Variants in ADAMTS19 observed in about 807,000 individuals in gnomAD.
The protein encoded by ADAMTS19 is A disintegrin and metalloproteinase with thrombospondin motifs 19.
Under a neutral mutation model 153.3 loss-of-function variants are expected in ADAMTS19, and 93 were observed. The observed-to-expected ratio is 0.61, with a 90% CI of 0.51 to 0.72. The LOEUF is 0.72. Ranked by LOEUF, ADAMTS19 falls within the 30% of genes least tolerant of loss-of-function variation. ADAMTS19 has a pLI of 0.00. For missense variants in ADAMTS19, 1,482 were observed against 1,552.1 expected (o/e 0.95, Z 0.76); for synonymous variants, 600 against 556.6 (o/e 1.08, Z -1.10).
intron 6 of ADAMTS19, among the ~76,000 whole-genome samples, chr5:129,538,387 G>A (rs1156886594): frequency 6.6e-6 from 1 of 151,876 alleles, no homozygotes; most frequent in East Asian, 1.9e-4. Flanking sequence ...AAAATATATT[G>A]TGGCATTAAT....
At chr5:129,614,385 G>A (rs1371225968) in intron 8 of ADAMTS19, among the ~76,000 whole-genome samples, 3 of 152,064 alleles carry the variant, frequency 2.0e-5, no homozygotes, top group East Asian at 1.9e-4. Context: ...TTCAACATAC[G>A]AAAATCAATA....
At chr5:129,628,724 G>T (rs553321882) in intron 10 of ADAMTS19, among the ~76,000 whole-genome samples, 44 of 152,164 alleles carry the variant, frequency 2.9e-4, no homozygotes, top group Admixed American at 1.6e-3. Context: ...TAAGATTATA[G>T]TCCGTATTTT....
At chr5:129,723,654 G>T (rs1273968268) in intron 21 of ADAMTS19, among the ~76,000 whole-genome samples, 7 of 152,168 alleles carry the variant, frequency 4.6e-5, no homozygotes, top group African/African-American at 9.6e-5. Flanking sequence ...GGCAATAAAA[G>T]ATTTATTTCA....
rs547317196 is a variant in ADAMTS19, at chr5:129,513,389, G to A, written c.913+4147G>A. 5.3e-5 allele frequency among the ~76,000 whole-genome samples: 8 copies of A among 151,852 alleles called. No individual in the cohort carries two copies. The South Asian group carries it at 1.7e-3, about 32-fold the overall frequency. On this transcript the variant is annotated intron_variant, in intron 3 of 22. Transcript: ENST00000274487. ...GGTGTACCTATAGTCCTAGCTACTT[G>A]GGAGCCTGAGGTGGGAGGATCATCT...
chr5:129,530,090 A>G (rs373554981), intron 6 of ADAMTS19, among the ~76,000 whole-genome samples: 1 of 152,256 alleles, frequency 6.6e-6, no homozygotes, highest in East Asian at 1.9e-4. Context: ...CTGCCTCCTA[A>G]AACAGCTGTA....
rs72789084 is a variant in ADAMTS19, at chr5:129,505,649, G to A, written c.748-3428G>A. Among the ~76,000 whole-genome samples the A allele has an allele frequency of 2.5e-3, 383 of 152,058 alleles. 1 individual carries two copies. The highest frequency in any genetic ancestry group is 4.7e-3 in the Non-Finnish European group (319 of 67,934). On this transcript the variant is annotated intron_variant, in intron 2 of 22. Transcript: ENST00000274487. ...GAGAAAAAGAAATTTCAACCAGTAA[G>A]AAAAGAAATGACTGGTAGCTTATTT... is the stretch of plus-strand genomic sequence containing the variant.
chr5:129,510,490 T>G (rs1751403560), intron 3 of ADAMTS19, among the ~76,000 whole-genome samples: 1 of 151,786 alleles, frequency 6.6e-6, no homozygotes, highest in South Asian at 2.1e-4. Context: ...CATATCCCTC[T>G]TCTCTATTAC....
intron 6 of ADAMTS19, among the ~76,000 whole-genome samples, chr5:129,543,048 GTTTTT>G (rs745799730): frequency 7.1e-6 from 1 of 140,346 alleles, no homozygotes; most frequent in East Asian, 2.1e-4. Flanking sequence ...TTGTTGTTTT[GTTTTT>G]TTTTTTTTAA....
At chr5:129,526,122 G>T (rs551146840) in intron 3 of ADAMTS19, among the ~76,000 whole-genome samples, 162 bp from the exon 4 acceptor site, 65 of 152,088 alleles carry the variant, frequency 4.3e-4, no homozygotes, top group Admixed American at 2.0e-3. Flanking sequence ...AGTGGGAGAA[G>T]TTCAGTCTGT....
At chr5:129,720,175 T>TATATATATATATA (rs1184615168) in intron 21 of ADAMTS19, among the ~76,000 whole-genome samples, 55 of 116,492 alleles carry the variant, frequency 4.7e-4, no homozygotes, top group African/African-American at 2.8e-3. Flanking sequence ...TATATATTTA[T>TATATATATATATA]TTTTTTTTTT....
chr5:129,616,012 GA>G (rs1581149841), intron 8 of ADAMTS19, among the ~76,000 whole-genome samples: 1 of 152,010 alleles, frequency 6.6e-6, no homozygotes, highest in East Asian at 1.9e-4. Flanking sequence ...ACGTCAAAAG[GA>G]ATCTCTTTTT....
At chr5:129,512,145 G>A (rs1043941310) in intron 3 of ADAMTS19, among the ~76,000 whole-genome samples, 7 of 151,904 alleles carry the variant, frequency 4.6e-5, no homozygotes, top group African/African-American at 7.3e-5. Flanking sequence ...TAGTATAAAC[G>A]CATGAGTATG....
chr5:129,603,739 G>A (rs546455305), intron 8 of ADAMTS19, among the ~76,000 whole-genome samples: 42 of 152,286 alleles, frequency 2.8e-4, no homozygotes, highest in Admixed American at 4.6e-4. Context: ...TGAGGCCAAA[G>A]ACTTCTGCTC....
intron 2 of ADAMTS19, among the ~76,000 whole-genome samples, chr5:129,499,790 T>G (rs950937257): frequency 4.6e-5 from 7 of 152,168 alleles, no homozygotes; most frequent in African/African-American, 1.7e-4. Flanking sequence ...GAATCTGCTA[T>G]GGAATGCCCC....
chr5:129,633,978 A>G (rs1581168412), intron 10 of ADAMTS19, among the ~76,000 whole-genome samples: 1 of 149,314 alleles, frequency 6.7e-6, no homozygotes, highest in African/African-American at 2.5e-5. Context: ...ATGTCAGGAC[A>G]CTCCCTTCAG....
intron 21 of ADAMTS19, among the ~76,000 whole-genome samples, chr5:129,707,010 A>C (rs552687339): frequency 6.6e-6 from 1 of 152,350 alleles, no homozygotes; most frequent in Admixed American, 6.5e-5. Context: ...TGAGTGAGGA[A>C]AGAAAAGAAT....
intron 6 of ADAMTS19, among the ~76,000 whole-genome samples, chr5:129,532,118 TA>T (rs929740101): frequency 4.4e-4 from 67 of 151,694 alleles, no homozygotes; most frequent in Admixed American, 1.1e-3. Flanking sequence ...TTAGATAGGG[TA>T]AAAAAAAGTA....
chr5:129,596,829 T>G (rs1440060639), intron 8 of ADAMTS19, among the ~76,000 whole-genome samples, 165 bp downstream of exon 8: 1 of 152,204 alleles, frequency 6.6e-6, no homozygotes, highest in Non-Finnish European at 1.5e-5. Context: ...GAATGTCTTT[T>G]GAGTGTTGCA....
chr5:129,475,768 G>A (rs1750204607), intron 2 of ADAMTS19, among the ~76,000 whole-genome samples: 1 of 152,200 alleles, frequency 6.6e-6, no homozygotes, highest in Non-Finnish European at 1.5e-5. Context: ...GGGAGGGAGA[G>A]GTTGCAGTAA....
Sources: gnomAD v4.1 joint callset for allele counts (sites outside exome capture counted in the v4.1 genomes callset) on GRCh38, gnomAD v4.1.1 for gene constraint, MANE v1.5 for transcripts, NCBI Gene and HGNC (gene_info 2026-07-23, HGNC 2026-07-21) for gene names.